The following KIAA1549L variants were observed in gnomAD, a reference collection of about 807,000 sequenced individuals.
KIAA1549L encodes UPF0606 protein KIAA1549L.
A neutral mutation model predicts 160.7 loss-of-function variants in KIAA1549L; 88 were observed. The ratio of observed to expected loss-of-function variants is 0.55; its 90% CI spans 0.46 to 0.65. The LOEUF (loss-of-function observed/expected upper bound fraction) is 0.65, where lower values mean the gene tolerates loss of function less well. KIAA1549L is among the 30% of genes least tolerant of loss of function. The pLI is 0.00. For missense variants in KIAA1549L, 2,258 were observed against 2,437.5 expected (o/e 0.93, Z 1.55); for synonymous variants, 950 against 976.7 (o/e 0.97, Z 0.51).
chr11:33,431,856 G>C (rs1295112303), intron 1 of KIAA1549L, among the ~76,000 whole-genome samples: 3 of 152,236 alleles, frequency 2.0e-5, no homozygotes, highest in African/African-American at 7.2e-5. Context: ...GGAAGGCTCA[G>C]CCATGGTGGG....
At chr11:33,381,013 G>C (rs937391040) in intron 1 of KIAA1549L, among the ~76,000 whole-genome samples, 5 of 151,898 alleles carry the variant, frequency 3.3e-5, no homozygotes, top group African/African-American at 1.2e-4. Flanking sequence ...AGGGATTAGA[G>C]AGAATGGGGC....
chr11:33,512,288 G>A (rs1320210080), intron 1 of KIAA1549L, among the ~76,000 whole-genome samples: 1 of 152,162 alleles, frequency 6.6e-6, no homozygotes, highest in Non-Finnish European at 1.5e-5. Flanking sequence ...TTGCAGCAGT[G>A]GGTTCTGTTT....
intron 16 of KIAA1549L, among the ~76,000 whole-genome samples, chr11:33,625,787 G>T (rs1234177403): frequency 2.0e-5 from 3 of 152,070 alleles, no homozygotes; most frequent in Non-Finnish European, 4.4e-5. Flanking sequence ...GTCAATTTTG[G>T]CTTTTGTTGC....
At position 33,542,385 on chromosome 11, in the gene KIAA1549L, C is replaced by T. The variant is rs1854048302; in HGVS notation, c.822C>T (p.Pro274=). 1 of 1,290,286 alleles carries T rather than the reference C, an allele frequency of 7.8e-7. No homozygotes were observed. 79.9% of individuals were successfully genotyped at this position (1,290,286 alleles called of 1,614,324 possible). A position where few individuals can be genotyped will look rare whatever the true frequency, so the allele number is the denominator to read the frequency against. The change falls in exon 2 of 21, where the codon CCC becomes CCT. Residue 274 remains proline, a synonymous_variant. Transcript: ENST00000658780. ...AEQSPKVLLV[P]QTAPADPSLG... ...AATCCCCCAAAGTGCTGTTAGTTCC[C>T]CAAACAGCTCCAGCCGACCCCTCTT...
intron 1 of KIAA1549L, among the ~76,000 whole-genome samples, chr11:33,415,591 T>C (rs1850871954): frequency 2.0e-5 from 3 of 152,168 alleles, no homozygotes; most frequent in Non-Finnish European, 2.9e-5. Context: ...CTGTTTAGGA[T>C]ACCCGAGTGG....
chr11:33,445,877 C>T (rs1321430314), intron 1 of KIAA1549L, among the ~76,000 whole-genome samples: 1 of 152,156 alleles, frequency 6.6e-6, no homozygotes, highest in Non-Finnish European at 1.5e-5. Flanking sequence ...GGAAGACAGC[C>T]ATCTATGAGC....
In KIAA1549L at chr11:33,671,602, A is replaced by ACACC. The variant is rs1170090766; in HGVS notation, c.*3451_*3452insCCAC. 6.6e-6 allele frequency: 1 copy of ACACC among 152,070 alleles called. No individual in the cohort carries two copies. Among genetic ancestry groups the ACACC allele is most frequent in the Non-Finnish European group, 1.5e-5 (1 of 68,010 alleles). The allele number at this position is 152,070 out of a possible 1,614,324, so 9.4% of individuals were successfully genotyped here. ...TTAAAACACACACACACACACACAC[A>ACACC]CACACACACACACACCCTACTTCGG... is the stretch of plus-strand genomic sequence containing the variant. On this transcript the variant is annotated 3_prime_UTR_variant, in exon 21 of 21. Coordinates refer to ENST00000658780, the MANE Select transcript of KIAA1549L (RefSeq NM_012194.3).
chr11:33,621,071 T>C (rs1464725683), intron 16 of KIAA1549L, among the ~76,000 whole-genome samples: 2 of 152,204 alleles, frequency 1.3e-5, no homozygotes, highest in African/African-American at 4.8e-5. Context: ...CTTGACACCG[T>C]AGAAGCAAAA....
chr11:33,404,740 TG>T (rs1399911650), intron 1 of KIAA1549L, among the ~76,000 whole-genome samples: 1 of 152,132 alleles, frequency 6.6e-6, no homozygotes, highest in African/African-American at 2.4e-5. Context: ...CTGGGCACAG[TG>T]GCTCACGCCT....
intron 10 of KIAA1549L, among the ~76,000 whole-genome samples, chr11:33,576,675 C>T (rs142286722): frequency 2.9e-4 from 44 of 152,316 alleles, no homozygotes; most frequent in Non-Finnish European, 4.4e-4. Context: ...ACAGAGTCAA[C>T]GGCGCAAGAT....
chr11:33,378,685 G>A (rs1850008112), intron 1 of KIAA1549L, among the ~76,000 whole-genome samples: 2 of 152,058 alleles, frequency 1.3e-5, no homozygotes, highest in African/African-American at 4.8e-5. Context: ...CCCCCTTTAT[G>A]ACCAGCTTCC....
At chr11:33,597,812 T>TGGGATGA (rs1850242459) in intron 12 of KIAA1549L, among the ~76,000 whole-genome samples, 1 of 152,006 alleles carries the variant, frequency 6.6e-6, no homozygotes, top group African/African-American at 2.4e-5. Flanking sequence ...GAAGGTGTTC[T>TGGGATGA]GGGATGAGGG....
At chr11:33,389,358 C>T (rs1483266729) in intron 1 of KIAA1549L, among the ~76,000 whole-genome samples, 1 of 152,136 alleles carries the variant, frequency 6.6e-6, no homozygotes, top group Non-Finnish European at 1.5e-5. Flanking sequence ...GACAGTGTGG[C>T]TTATAAGTTC....
chr11:33,465,406 C>G (rs1035450159), intron 1 of KIAA1549L, among the ~76,000 whole-genome samples: 1 of 152,070 alleles, frequency 6.6e-6, no homozygotes, highest in African/African-American at 2.4e-5. Flanking sequence ...GAAATATTCT[C>G]TGACCCCAGA....
rs73477283 is a variant in KIAA1549L at position 33,639,338 on chromosome 11, C to T, written c.5410-6348C>T. On this transcript the variant is annotated intron_variant, in intron 16 of 20. Coordinates refer to ENST00000658780, the MANE Select transcript of KIAA1549L (RefSeq NM_012194.3). ...CCAGGTGCTTCCTCTATCCAATGGC[C>T]ACCATGAAGCGCAAGACCAGGGGCC... Among the ~76,000 whole-genome samples the T allele has an allele frequency of 2.7e-3, 408 of 152,192 alleles. 2 individuals are homozygous for T. Among genetic ancestry groups the T allele is most frequent in the African/African-American group, 9.3e-3 (387 of 41,520 alleles).
In KIAA1549L at chr11:33,668,543, A is replaced by G. The variant is rs774321515; in HGVS notation, c.*389A>G. 1.2e-5 allele frequency: 3 copies of G among 250,814 alleles called. No individual in the cohort carries two copies. The highest frequency in any genetic ancestry group is 2.3e-5 in the Non-Finnish European group (3 of 127,906). 15.5% of individuals were successfully genotyped at this position (250,814 alleles called of 1,614,324 possible). ...AGCTCTTATCTTCGGTGACCTCTGCATGTTAACTCTGTTTCTGTGTTAAAG... is the reference window on the plus strand; with the variant it reads ...AGCTCTTATCTTCGGTGACCTCTGCGTGTTAACTCTGTTTCTGTGTTAAAG... On this transcript the variant is annotated 3_prime_UTR_variant, in exon 21 of 21. Transcript: ENST00000658780.
intron 14 of KIAA1549L, among the ~76,000 whole-genome samples, chr11:33,607,700 T>G (rs770336038): frequency 3.3e-5 from 5 of 152,168 alleles, no homozygotes; most frequent in Non-Finnish European, 5.9e-5. Flanking sequence ...AGTTTTAGTC[T>G]TTTTCCCATC....
rs774707421 is a variant in KIAA1549L, at chr11:33,544,134, G to T, written c.2571G>T (p.Leu857Phe). The T allele has an allele frequency of 7.4e-6, 12 of 1,613,892 alleles. No individual in the cohort carries two copies. The highest frequency in any genetic ancestry group is 1.3e-5 in the African/African-American group (1 of 74,918). The change falls in exon 2 of 21, where the codon TTG becomes TTT. Residue 857 changes from leucine (L) to phenylalanine (F), a missense_variant. This residue lies in a region of KIAA1549L where 287 missense variants were observed against 292.3 expected (regional missense o/e 0.98). Coordinates refer to ENST00000658780, the MANE Select transcript of KIAA1549L (RefSeq NM_012194.3). ...CAGGACCAACTTCTACAGGTAGCTT[G>T]CAGGAAATGCTTTCAGATGGAACAG... ...TSPGPTSTGS[L>F]QEMLSDGTDT...
chr11:33,651,876 C>CG (rs1246932665), intron 17 of KIAA1549L, among the ~76,000 whole-genome samples: 1 of 87,254 alleles, frequency 1.1e-5, no homozygotes, highest in Non-Finnish European at 2.4e-5. Context: ...CCCCTCCCCC[C>CG]CTTTCTCCTC....
Sources: allele counts gnomAD v4.1 joint callset (sites outside exome capture counted in the v4.1 genomes callset), GRCh38; gene constraint gnomAD v4.1.1; regional missense constraint gnomAD v4.1.1; transcripts MANE v1.5; gene names NCBI Gene and HGNC (gene_info 2026-07-23, HGNC 2026-07-21).